The following DLG2 variants were observed in gnomAD, a reference collection of about 807,000 sequenced individuals.
The protein encoded by DLG2 is disks large homolog 2.
DLG2 carries 45 observed loss-of-function variants against 132.5 expected under a neutral mutation model. The observed-to-expected ratio is 0.34, with a 90% CI of 0.27 to 0.44. The LOEUF (loss-of-function observed/expected upper bound fraction) is 0.44, where lower values mean the gene tolerates loss of function less well. Ranked by LOEUF, DLG2 falls within the 20% of genes least tolerant of loss-of-function variation. DLG2 has a pLI of 1.00. For synonymous variants in DLG2, 424 were observed against 419.6 expected (o/e 1.01, Z -0.13); for missense variants, 1,045 against 1,196.9 (o/e 0.87, Z 1.87).
At chr11:84,060,820 A>T (rs7924360) in intron 10 of DLG2, among the ~76,000 whole-genome samples, 111,527 of 151,750 alleles carry the variant, frequency 0.73, 42,520 homozygotes, top group Middle Eastern at 0.88. Context: ...CTTTTCCCCC[A>T]CCACCACGCA....
chr11:83,516,102 T>A (rs1344319790), intron 21 of DLG2, among the ~76,000 whole-genome samples: 1 of 152,226 alleles, frequency 6.6e-6, no homozygotes, highest in African/African-American at 2.4e-5. Flanking sequence ...GTCCCTTTGA[T>A]CTGTCTAATG....
chr11:83,822,788 A>C (rs1221230882), intron 17 of DLG2, among the ~76,000 whole-genome samples: 1 of 152,058 alleles, frequency 6.6e-6, no homozygotes, highest in Non-Finnish European at 1.5e-5. Context: ...TTTTCATATA[A>C]GTTACCTGGA....
chr11:83,576,844 T>C (rs2096881076), intron 19 of DLG2, among the ~76,000 whole-genome samples: 1 of 152,196 alleles, frequency 6.6e-6, no homozygotes, highest in Admixed American at 6.6e-5. Context: ...ATAAAGGAAG[T>C]ACCCTGGGAA....
At chr11:85,117,921 T>A (rs17148009) in intron 5 of DLG2, among the ~76,000 whole-genome samples, 3,456 of 152,182 alleles carry the variant, frequency 0.023, 57 homozygotes, top group Admixed American at 0.042. Flanking sequence ...TAAGGACCAC[T>A]GACATTAAGC....
intron 6 of DLG2, among the ~76,000 whole-genome samples, chr11:84,749,326 T>C (rs996783412): frequency 4.6e-5 from 7 of 152,178 alleles, no homozygotes; most frequent in African/African-American, 1.7e-4. Flanking sequence ...ATAACTGACA[T>C]CTAGAACCTC....
intron 6 of DLG2, among the ~76,000 whole-genome samples, chr11:84,995,099 T>G (rs1319251646): frequency 3.3e-5 from 5 of 152,218 alleles, no homozygotes; most frequent in African/African-American, 1.2e-4. Flanking sequence ...TGAATAGTGC[T>G]TTCACCATTT....
chr11:85,333,940 C>T (rs188988315), intron 3 of DLG2, among the ~76,000 whole-genome samples: 14 of 151,892 alleles, frequency 9.2e-5, no homozygotes, highest in African/African-American at 2.9e-4. Flanking sequence ...AATGATCCTG[C>T]CCTCACAGAA....
intron 18 of DLG2, among the ~76,000 whole-genome samples, chr11:83,740,955 C>T (rs200325290): frequency 1.3e-5 from 2 of 152,074 alleles, no homozygotes; most frequent in Non-Finnish European, 2.9e-5. Context: ...AGTTAATTTA[C>T]CGTGATCAAG....
chr11:84,710,997 C>CATAT lies in DLG2; in HGVS notation c.358-176270_358-176267dup, dbSNP rs201024808. On this transcript the variant is annotated intron_variant, in intron 6 of 27. Coordinates refer to ENST00000376104, the MANE Select transcript of DLG2 (RefSeq NM_001142699.3). ...TGTTCATAAGTCTGACAAGTACATT[C>CATAT]ATATATATATAGATATATATATATA... Among the ~76,000 whole-genome samples the CATAT allele has an allele frequency of 7.2e-3, 688 of 95,988 alleles. 5 individuals are homozygous for CATAT. Among genetic ancestry groups the CATAT allele is most frequent in the African/African-American group, 0.017 (354 of 21,272 alleles). The allele number at this position is 95,988 out of a possible 152,430, so 63.0% of individuals were successfully genotyped here. A position where few individuals can be genotyped will look rare whatever the true frequency, so the allele number is the denominator to read the frequency against.
chr11:84,148,211 T>A (rs972763745), intron 9 of DLG2, among the ~76,000 whole-genome samples: 1 of 152,176 alleles, frequency 6.6e-6, no homozygotes, highest in East Asian at 1.9e-4. Flanking sequence ...ATTTTACAAA[T>A]TATAATTTTT....
At chr11:84,926,738 A>C (rs1591402770) in intron 6 of DLG2, among the ~76,000 whole-genome samples, 5 of 152,048 alleles carry the variant, frequency 3.3e-5, no homozygotes, top group Admixed American at 3.3e-4. Flanking sequence ...ATCCCTTGTC[A>C]GTAAATGAGA....
intron 6 of DLG2, among the ~76,000 whole-genome samples, chr11:84,978,495 A>T (rs1273036832): frequency 6.6e-6 from 1 of 152,148 alleles, no homozygotes; most frequent in African/African-American, 2.4e-5. Flanking sequence ...AGCCCTCAGA[A>T]ATGGAACACA....
chr11:83,881,202 T>C (rs1006702325), intron 15 of DLG2, among the ~76,000 whole-genome samples: 4 of 152,190 alleles, frequency 2.6e-5, no homozygotes, highest in East Asian at 1.9e-4. Flanking sequence ...ACTCCTGTCA[T>C]AGCAGCCCAA....
At chr11:83,601,510 C>CGTTTTT (rs2058538849) in intron 19 of DLG2, among the ~76,000 whole-genome samples, 1 of 94,538 alleles carries the variant, frequency 1.1e-5, no homozygotes, top group South Asian at 4.2e-4. Context: ...ATGTGATGTT[C>CGTTTTT]TTTTTTTTTT....
At chr11:85,490,565 A>G (rs756415437) in intron 3 of DLG2, among the ~76,000 whole-genome samples, 12 of 152,046 alleles carry the variant, frequency 7.9e-5, no homozygotes, top group Non-Finnish European at 1.8e-4. Context: ...AACCAACAAA[A>G]AAAGAAAGAA....
At chr11:83,599,659 T>C (rs1177260900) in intron 19 of DLG2, among the ~76,000 whole-genome samples, 1 of 152,172 alleles carries the variant, frequency 6.6e-6, no homozygotes, top group Non-Finnish European at 1.5e-5. Flanking sequence ...CCACCGCCAC[T>C]AGACATTGTG....
intron 8 of DLG2, among the ~76,000 whole-genome samples, chr11:84,181,573 A>G (rs924947520): frequency 2.6e-5 from 4 of 152,130 alleles, no homozygotes; most frequent in African/African-American, 9.6e-5. Context: ...TTCAAGAGCC[A>G]AGATTTTCAA....
intron 11 of DLG2, among the ~76,000 whole-genome samples, chr11:84,007,530 C>T (rs1203106631): frequency 6.6e-6 from 1 of 151,616 alleles, no homozygotes; most frequent in East Asian, 1.9e-4. Context: ...TAATCTTATA[C>T]TTTTGCCCAA....
At chr11:84,866,002 A>G (rs1247376362) in intron 6 of DLG2, among the ~76,000 whole-genome samples, 10 of 152,228 alleles carry the variant, frequency 6.6e-5, no homozygotes, top group Admixed American at 5.9e-4. Context: ...AGCAAGAAAT[A>G]TGCTAAGCAG....
Sources: allele counts gnomAD v4.1 joint callset (sites outside exome capture counted in the v4.1 genomes callset), GRCh38; gene constraint gnomAD v4.1.1; transcripts MANE v1.5; gene names NCBI Gene and HGNC (gene_info 2026-07-23, HGNC 2026-07-21).